The following CLEC16A variants were observed in gnomAD, a reference collection of about 807,000 sequenced individuals.
The protein encoded by CLEC16A is C-type lectin domain containing 16A, also known as protein CLEC16A.
In CLEC16A, 51 loss-of-function variants were observed where a neutral mutation model predicts 109.5. The ratio of observed to expected loss-of-function variants is 0.47; its 90% CI spans 0.37 to 0.59. The LOEUF (loss-of-function observed/expected upper bound fraction) is 0.59, where lower values mean the gene tolerates loss of function less well. Ranked by LOEUF, CLEC16A falls within the 20% of genes least tolerant of loss-of-function variation. The probability of loss-of-function intolerance (pLI) is 0.00; values close to 1 mark genes in which losing one functional copy is unlikely to be tolerated. For missense variants in CLEC16A, 1,339 were observed against 1,394.0 expected (o/e 0.96, Z 0.63); for synonymous variants, 673 against 564.2 (o/e 1.19, Z -2.73).
chr16:11,084,020 C>T (rs1286412424), intron 19 of CLEC16A, among the ~76,000 whole-genome samples: 1 of 152,194 alleles, frequency 6.6e-6, no homozygotes, highest in Non-Finnish European at 1.5e-5. Context: ...AGTCCAAGCC[C>T]AAGCCGTATG....
At chr16:10,991,356 G>A (rs564056256) in intron 10 of CLEC16A, among the ~76,000 whole-genome samples, 56 of 150,044 alleles carry the variant, frequency 3.7e-4, no homozygotes, top group African/African-American at 1.2e-3. Flanking sequence ...CCTGGGAGGC[G>A]GAGCTTGCAG....
At chr16:10,996,087 A>G (rs952203871) in intron 10 of CLEC16A, among the ~76,000 whole-genome samples, 1 of 152,074 alleles carries the variant, frequency 6.6e-6, no homozygotes, top group Non-Finnish European at 1.5e-5. Flanking sequence ...GTGCCCTTAC[A>G]TCCCCTTTCC....
intron 22 of CLEC16A, among the ~76,000 whole-genome samples, chr16:11,145,618 G>A (rs2054019637): frequency 6.6e-6 from 1 of 152,266 alleles, no homozygotes; most frequent in Non-Finnish European, 1.5e-5. Flanking sequence ...AGCAGCTGTA[G>A]AGCATACGTT....
At chr16:11,076,101 G>A (rs1396895507) in intron 19 of CLEC16A, among the ~76,000 whole-genome samples, 1 of 152,130 alleles carries the variant, frequency 6.6e-6, no homozygotes, top group African/African-American at 2.4e-5. Context: ...GGGACTAGGG[G>A]GTCAGCTTCC....
In CLEC16A at chr16:11,131,359, C is replaced by G. The variant is rs150977112; in HGVS notation, c.2641+5213C>G. On this transcript the variant is annotated intron_variant, in intron 22 of 23. Coordinates refer to ENST00000409790, the MANE Select transcript of CLEC16A (RefSeq NM_015226.3). ...TTTCCATAAACTCCAAGTGGACCAGCAGACCCCAGAGCAGAAGCTGTTCCC... is the reference window on the plus strand; with the variant it reads ...TTTCCATAAACTCCAAGTGGACCAGGAGACCCCAGAGCAGAAGCTGTTCCC... Among the ~76,000 whole-genome samples the G allele has an allele frequency of 9.8e-5, 15 of 152,370 alleles. No homozygotes were observed. In the East Asian group the frequency reaches 2.9e-3, roughly 29 times the overall value.
intron 19 of CLEC16A, among the ~76,000 whole-genome samples, chr16:11,064,121 T>G (rs2048637554): frequency 6.6e-6 from 1 of 152,236 alleles, no homozygotes; most frequent in African/African-American, 2.4e-5. Context: ...TTATTTTATC[T>G]GCCCTTTCAT....
At chr16:11,158,644 C>T (rs1344064341) in intron 22 of CLEC16A, among the ~76,000 whole-genome samples, 1 of 152,070 alleles carries the variant, frequency 6.6e-6, no homozygotes, top group Admixed American at 6.6e-5. Flanking sequence ...GGCTGGAGAC[C>T]GGGAGCAGTG....
intron 11 of CLEC16A, among the ~76,000 whole-genome samples, chr16:11,009,025 T>A (rs1328675096): frequency 6.6e-6 from 1 of 151,988 alleles, no homozygotes; most frequent in East Asian, 1.9e-4. Context: ...TACATTCACG[T>A]TGTATAACCA....
At chr16:11,107,866 G>T (rs2051318951) in intron 19 of CLEC16A, among the ~76,000 whole-genome samples, 1 of 152,208 alleles carries the variant, frequency 6.6e-6, no homozygotes, top group Non-Finnish European at 1.5e-5. Flanking sequence ...GAGATGCATT[G>T]CACTGTCCTC....
At chr16:10,953,454 G>T (rs2041832638) in intron 1 of CLEC16A, among the ~76,000 whole-genome samples, 1 of 152,150 alleles carries the variant, frequency 6.6e-6, no homozygotes, top group African/African-American at 2.4e-5. Flanking sequence ...TATAACCTTG[G>T]GGTAGGTAAG....
rs2145853665 is a variant in CLEC16A, at chr16:10,954,560, G to T, written c.81-3222G>T. 6.6e-6 allele frequency among the ~76,000 whole-genome samples: 1 copy of T among 152,292 alleles called. No individual in the cohort carries two copies. Among genetic ancestry groups the T allele is most frequent in the East Asian group, 1.9e-4 (1 of 5,190 alleles). ...GATACTAAAGTATTCAGGTACCATT[G>T]CTGTTTACATTTTACTGGTGAGACA... On this transcript the variant is annotated intron_variant, in intron 1 of 23. Coordinates refer to ENST00000409790, the MANE Select transcript of CLEC16A (RefSeq NM_015226.3). The surrounding 1 kb of genome is among the most constrained non-coding windows in gnomAD (Gnocchi z 4.2).
rs768642072 is a variant in CLEC16A, at chr16:11,126,105, C to T, written c.2600C>T (p.Thr867Ile). ...GGGCGCCGGGGCAGCAGCGACCCCA[C>T]AGTGCAGCGCTCCGTGTTTGCATCG... ...DQGRRGSSDP[T>I]VQRSVFASVD... is the part of the protein sequence containing the mutation. Residue 867 changes from threonine (T) to isoleucine (I), a missense_variant, in exon 22 of 24, where the codon ACA becomes ATA. Thr to Ile is a moderately conservative substitution (Grantham distance 89, BLOSUM62 -1). Transcript: ENST00000409790. The T allele has an allele frequency of 2.2e-5, 35 of 1,613,810 alleles. No individual in the cohort carries two copies. Among genetic ancestry groups the T allele is most frequent in the Non-Finnish European group, 2.8e-5 (33 of 1,179,896 alleles).
chr16:10,988,889 C>T (rs538200122), intron 10 of CLEC16A, among the ~76,000 whole-genome samples: 1 of 152,300 alleles, frequency 6.6e-6, no homozygotes, highest in East Asian at 1.9e-4. Flanking sequence ...TAGATGTTAT[C>T]ATTATAATGA....
At chr16:11,034,714 C>A (rs1180282918) in intron 13 of CLEC16A, among the ~76,000 whole-genome samples, 1 of 152,070 alleles carries the variant, frequency 6.6e-6, no homozygotes. Flanking sequence ...CTAGTGCTCC[C>A]GTGAAGTGCA....
At chr16:11,103,096 T>C (rs1038968187) in intron 19 of CLEC16A, among the ~76,000 whole-genome samples, 2 of 152,184 alleles carry the variant, frequency 1.3e-5, no homozygotes, top group African/African-American at 4.8e-5. Context: ...CCGGACCTTC[T>C]GGCGGAAATG....
chr16:10,983,182 C>A lies in CLEC16A; in HGVS notation c.1071+191C>A, dbSNP rs1217151193. Among the ~76,000 whole-genome samples, 2 of 152,172 alleles carry A rather than the reference C, an allele frequency of 1.3e-5. 1 individual carries two copies. Among genetic ancestry groups the A allele is most frequent in the Admixed American group, 1.3e-4 (2 of 15,282 alleles). On this transcript the variant is annotated intron_variant, in intron 10 of 23. Transcript: ENST00000409790. ...CAAGAGAAGCTGGGATCAGGGACCA[C>A]CTGGATTTGATTGATTGTGTGTTCT... is the stretch of plus-strand genomic sequence containing the variant.
At chr16:11,131,132 A>G (rs1195969128) in intron 22 of CLEC16A, among the ~76,000 whole-genome samples, 1 of 152,044 alleles carries the variant, frequency 6.6e-6, no homozygotes, top group Non-Finnish European at 1.5e-5. Flanking sequence ...GCGCCTGGCC[A>G]AGGAGGGGGG....
In CLEC16A at chr16:10,972,568, T is replaced by C; in HGVS notation, c.604+9T>C. 1 of 1,611,818 alleles carries C rather than the reference T, an allele frequency of 6.2e-7. No individual in the cohort carries two copies. Among genetic ancestry groups the C allele is most frequent in the Non-Finnish European group, 8.5e-7 (1 of 1,178,142 alleles). On this transcript the variant is annotated intron_variant, in intron 6 of 23. Transcript: ENST00000409790. ...CCTTATTCCAGTGTCATGTAAGTTA[T>C]TAACCTCTGGTTTTCTGCTTTCTTA...
At chr16:11,059,529 G>A (rs575748894) in intron 18 of CLEC16A, among the ~76,000 whole-genome samples, 3 of 152,186 alleles carry the variant, frequency 2.0e-5, no homozygotes, top group Non-Finnish European at 2.9e-5. Flanking sequence ...TCATTGCCTG[G>A]GGTATGAGGA....
Sources: allele counts gnomAD v4.1 joint callset (sites outside exome capture counted in the v4.1 genomes callset), GRCh38; gene constraint gnomAD v4.1.1; non-coding constraint Gnocchi (gnomAD v3.1); transcripts MANE v1.5; gene names NCBI Gene and HGNC (gene_info 2026-07-23, HGNC 2026-07-21).